ZBTB20: variants seen among roughly 807,000 people sequenced by gnomAD.
ZBTB20 encodes zinc finger and BTB domain containing 20, also known as zinc finger and BTB domain-containing protein 20.
In ZBTB20, 9 loss-of-function variants were observed where a neutral mutation model predicts 56.9. The observed-to-expected ratio is 0.16, with a 90% CI of 0.10 to 0.28. The LOEUF is 0.28. Among genes scored for constraint, ZBTB20 ranks in the 10% least tolerant of loss-of-function variants. The pLI is 1.00. For synonymous variants in ZBTB20, 417 were observed against 420.7 expected (o/e 0.99, Z 0.11); for missense variants, 655 against 1,003.0 (o/e 0.65, Z 4.69).
chr3:115,031,070 T>C (rs1408542770), intron 2 of ZBTB20, among the ~76,000 whole-genome samples: 3 of 151,442 alleles, frequency 2.0e-5, no homozygotes, highest in Non-Finnish European at 3.0e-5. Flanking sequence ...AATTTCCTCA[T>C]TACCCATCAT....
chr3:115,020,554 G>A (rs1438967085), intron 2 of ZBTB20, among the ~76,000 whole-genome samples: 1 of 151,038 alleles, frequency 6.6e-6, no homozygotes. Flanking sequence ...GCAGTTCAAG[G>A]AAGAAACATT....
At chr3:114,878,223 T>G (rs74827714) in intron 4 of ZBTB20, among the ~76,000 whole-genome samples, 4,382 of 152,148 alleles carry the variant, frequency 0.029, 147 homozygotes, top group African/African-American at 0.074. Flanking sequence ...CAACCTGGGA[T>G]TCCACTGCGA....
chr3:114,561,731 A>T (rs1280761217), intron 6 of ZBTB20, among the ~76,000 whole-genome samples: 1 of 151,906 alleles, frequency 6.6e-6, no homozygotes, highest in Non-Finnish European at 1.5e-5. Context: ...GAGCCCTAGG[A>T]TTTTCTAAAT....
chr3:114,431,001 T>C (rs1469306675), intron 7 of ZBTB20, among the ~76,000 whole-genome samples: 1 of 152,062 alleles, frequency 6.6e-6, no homozygotes, highest in East Asian at 1.9e-4. Flanking sequence ...AAACATGGAG[T>C]TTCTCCTCGT....
At chr3:114,460,348 C>T (rs1353988651) in intron 7 of ZBTB20, among the ~76,000 whole-genome samples, 2 of 151,962 alleles carry the variant, frequency 1.3e-5, no homozygotes, top group Admixed American at 6.6e-5. Context: ...TGTTACCTTA[C>T]GTGGCAAAGG....
chr3:114,527,672 C>G (rs1275159130), intron 6 of ZBTB20, among the ~76,000 whole-genome samples: 1 of 152,168 alleles, frequency 6.6e-6, no homozygotes, highest in Non-Finnish European at 1.5e-5. Context: ...TATTTAACAA[C>G]ATATATTTAC....
chr3:114,437,230 G>T (rs1435013654), intron 7 of ZBTB20, among the ~76,000 whole-genome samples: 1 of 152,096 alleles, frequency 6.6e-6, no homozygotes, highest in African/African-American at 2.4e-5. Context: ...CCAGGGCCTT[G>T]TCTGGAGCTG....
intron 6 of ZBTB20, among the ~76,000 whole-genome samples, chr3:114,589,038 C>T (rs1420385571): frequency 1.3e-5 from 2 of 152,208 alleles, no homozygotes; most frequent in East Asian, 1.9e-4. Flanking sequence ...CTCACCATCA[C>T]GAGAAAATCA....
intron 5 of ZBTB20, among the ~76,000 whole-genome samples, chr3:114,764,241 C>T (rs2068630177): frequency 1.1e-5 from 1 of 92,642 alleles, no homozygotes; most frequent in Non-Finnish European, 2.1e-5. Context: ...TTCTACCTCT[C>T]TCTCTCTCTC....
intron 3 of ZBTB20, among the ~76,000 whole-genome samples, chr3:114,951,243 G>T (rs150961185): frequency 3.3e-5 from 5 of 150,110 alleles, no homozygotes; most frequent in Non-Finnish European, 7.4e-5. Context: ...CATTGCTTTT[G>T]TTTTTTTTTC....
intron 5 of ZBTB20, among the ~76,000 whole-genome samples, chr3:114,754,369 A>C (rs2067839088): frequency 1.3e-5 from 2 of 152,118 alleles, no homozygotes; most frequent in Admixed American, 6.5e-5. Context: ...ACCCCATGAT[A>C]CCCTCTCATC....
At chr3:114,341,603 C>T (rs930288588) in intron 11 of ZBTB20, among the ~76,000 whole-genome samples, 1 of 152,226 alleles carries the variant, frequency 6.6e-6, no homozygotes, top group African/African-American at 2.4e-5. Flanking sequence ...TTTATTTTCA[C>T]ACTCTTCTAA....
At chr3:115,138,665 C>T (rs1198634476) in intron 1 of ZBTB20, among the ~76,000 whole-genome samples, 2 of 151,920 alleles carry the variant, frequency 1.3e-5, no homozygotes, top group Admixed American at 6.6e-5. Context: ...TCTGAGCCTT[C>T]GCATATCTTT....
chr3:114,344,587 C>T (rs941776825), intron 11 of ZBTB20, among the ~76,000 whole-genome samples: 2 of 152,150 alleles, frequency 1.3e-5, no homozygotes, highest in Non-Finnish European at 2.9e-5. Context: ...AAAGTAAGTA[C>T]TACAGATCTG....
At position 115,140,316 on chromosome 3, in the gene ZBTB20, G is replaced by A. The variant is rs1024529180; in HGVS notation, c.-703+6903C>T. The stretch of plus-strand genomic sequence containing the variant: ...ATGAGAGATTGAAAAGGTAGATATT[G>A]TCCCCAAGTTAAAAATCTTTGGATG... On this transcript the variant is annotated intron_variant, in intron 1 of 11. Coordinates refer to ENST00000675478, the MANE Select transcript of ZBTB20 (RefSeq NM_001348800.3). Among the ~76,000 whole-genome samples the A allele has an allele frequency of 2.6e-5, 4 of 152,084 alleles. No individual in the cohort carries two copies. In the Middle Eastern group the frequency reaches 0.01, roughly 388 times the overall value.
chr3:114,658,504 T>G (rs1345802088), intron 6 of ZBTB20: 2 of 152,220 alleles, frequency 1.3e-5, no homozygotes, highest in Non-Finnish European at 2.9e-5. Context: ...CTGCTCAGAA[T>G]TGAGATAAAA....
At chr3:114,367,584 C>T (rs2082549954) in intron 10 of ZBTB20, among the ~76,000 whole-genome samples, 1 of 152,150 alleles carries the variant, frequency 6.6e-6, no homozygotes, top group African/African-American at 2.4e-5. Flanking sequence ...GACTAGAATG[C>T]ACTTGAAGAC....
intron 2 of ZBTB20, among the ~76,000 whole-genome samples, chr3:114,989,914 G>T (rs2078725723): frequency 6.6e-6 from 1 of 152,072 alleles, no homozygotes; most frequent in South Asian, 2.1e-4. Context: ...GTCTGTTATT[G>T]GTGTATAAGA....
At chr3:114,849,975 C>T (rs2074917888) in intron 4 of ZBTB20, among the ~76,000 whole-genome samples, 1 of 148,376 alleles carries the variant, frequency 6.7e-6, no homozygotes, top group Admixed American at 6.8e-5. Context: ...TCTCGGCTCA[C>T]TGCAACCTCC....
Sources: gnomAD v4.1 joint callset for allele counts (sites outside exome capture counted in the v4.1 genomes callset) on GRCh38, gnomAD v4.1.1 for gene constraint, MANE v1.5 for transcripts, NCBI Gene and HGNC (gene_info 2026-07-23, HGNC 2026-07-21) for gene names.